TATDN1: variants seen among roughly 807,000 people sequenced by gnomAD.
TATDN1 encodes the protein deoxyribonuclease TATDN1.
TATDN1 carries 40 observed loss-of-function variants against 46.4 expected under a neutral mutation model. That is an observed-to-expected ratio of 0.86 (90% CI 0.67 to 1.12). The LOEUF (loss-of-function observed/expected upper bound fraction) is 1.12, where lower values mean the gene tolerates loss of function less well. Among genes scored for constraint, TATDN1 ranks in the 50% most tolerant of loss-of-function variants. The probability of loss-of-function intolerance (pLI) is 0.00; values close to 1 mark genes in which losing one functional copy is unlikely to be tolerated. For synonymous variants in TATDN1, 95 were observed against 105.6 expected (o/e 0.90, Z 0.62); for missense variants, 326 against 348.4 (o/e 0.94, Z 0.51).
At chr8:124,511,018 A>G (rs1016691110) in intron 6 of TATDN1, among the ~76,000 whole-genome samples, 1 of 152,226 alleles carries the variant, frequency 6.6e-6, no homozygotes, top group Non-Finnish European at 1.5e-5. Flanking sequence ...TTATCTTTAG[A>G]GAAGAAAAAC....
chr8:124,506,989 C>T (rs1818499677), intron 8 of TATDN1, among the ~76,000 whole-genome samples: 1 of 151,884 alleles, frequency 6.6e-6, no homozygotes, highest in South Asian at 2.1e-4. Context: ...TGGTGAAACC[C>T]CGTCTCTACT....
chr8:124,523,054 G>T (rs1296668995), intron 1 of TATDN1, 52 bp from the exon 2 acceptor site: 2 of 1,501,192 alleles, frequency 1.3e-6, no homozygotes, highest in Admixed American at 3.7e-5. Flanking sequence ...CATGAAACTT[G>T]TACTTAAATA....
At chr8:124,520,089 T>G (rs1192713864) in intron 3 of TATDN1, among the ~76,000 whole-genome samples, 1 of 152,214 alleles carries the variant, frequency 6.6e-6, no homozygotes, top group Non-Finnish European at 1.5e-5. Context: ...GATTAGCTAT[T>G]GCATATCCAT....
intron 11 of TATDN1, chr8:124,491,193 C>G (rs1457578499): frequency 6.6e-6 from 1 of 152,154 alleles, no homozygotes; most frequent in Non-Finnish European, 1.5e-5. Context: ...ATAATTGCCA[C>G]TCTCCTGCTT....
chr8:124,508,308 T>C (rs1818689004), intron 8 of TATDN1, among the ~76,000 whole-genome samples, 166 bp downstream of exon 8: 1 of 152,214 alleles, frequency 6.6e-6, no homozygotes. Flanking sequence ...ATTTTGTGCG[T>C]GAAACAAAAT....
intron 1 of TATDN1, among the ~76,000 whole-genome samples, chr8:124,531,762 C>T (rs1295009092): frequency 2.6e-5 from 4 of 152,252 alleles, no homozygotes; most frequent in African/African-American, 9.6e-5. Context: ...CTGGGTTATA[C>T]TGAGGGTAGA....
At chr8:124,514,278 C>G (rs773422345) in intron 6 of TATDN1, among the ~76,000 whole-genome samples, 4 of 152,084 alleles carry the variant, frequency 2.6e-5, no homozygotes, top group Non-Finnish European at 4.4e-5. Flanking sequence ...GGGAGGGAAG[C>G]GGGAGGAAGT....
intron 9 of TATDN1, 163 bp downstream of exon 9, chr8:124,504,108 C>T: frequency 2.9e-6 from 2 of 697,730 alleles, no homozygotes; most frequent in Middle Eastern, 2.8e-4. Context: ...TAGTAATGTA[C>T]TGTTTAATTT....
intron 1 of TATDN1, among the ~76,000 whole-genome samples, chr8:124,534,346 T>G (rs1563695208): frequency 1.3e-5 from 2 of 152,130 alleles, no homozygotes; most frequent in African/African-American, 4.8e-5. Context: ...TCAGTGACCG[T>G]AAGTTTTACT....
intron 8 of TATDN1, among the ~76,000 whole-genome samples, chr8:124,507,923 C>T (rs541017671): frequency 1.3e-5 from 2 of 152,098 alleles, no homozygotes; most frequent in African/African-American, 4.8e-5. Context: ...TTATGCCACA[C>T]CTGGTCCATA....
intron 11 of TATDN1, among the ~76,000 whole-genome samples, chr8:124,492,870 T>C (rs909096366): frequency 4.6e-5 from 7 of 152,138 alleles, no homozygotes; most frequent in African/African-American, 1.7e-4. Flanking sequence ...GGTCTCCCTA[T>C]GTTGCCTGAG....
At chr8:124,511,188 G>T (rs1022177802) in intron 6 of TATDN1, among the ~76,000 whole-genome samples, 1 of 152,144 alleles carries the variant, frequency 6.6e-6, no homozygotes, top group Non-Finnish European at 1.5e-5. Flanking sequence ...TGAAGCTTCT[G>T]ATTTTATTAC....
Position 124,498,805 on chromosome 8 carries a change from C to T in TATDN1, c.594-3263G>A, listed in dbSNP as rs181337109. Among the ~76,000 whole-genome samples the T allele has an allele frequency of 6.8e-3, 1,039 of 152,132 alleles. 1 individual carries two copies. Among genetic ancestry groups the T allele is most frequent in the Non-Finnish European group, 0.011 (752 of 67,990 alleles). On this transcript the variant is annotated intron_variant, in intron 9 of 11. Transcript: ENST00000276692. ...AGCTGAGATTACAGGCGCACACCAC[C>T]ACACCCAGCTAATTTTTTTTATTTT... is the stretch of plus-strand genomic sequence containing the variant.
intron 9 of TATDN1, among the ~76,000 whole-genome samples, chr8:124,495,963 T>C (rs1817434786): frequency 6.6e-6 from 1 of 152,250 alleles, no homozygotes; most frequent in Non-Finnish European, 1.5e-5. Context: ...ACCCTTGCCA[T>C]GGTTTCTTTG....
intron 9 of TATDN1, among the ~76,000 whole-genome samples, chr8:124,500,567 C>T (rs928980103): frequency 6.6e-6 from 1 of 151,792 alleles, no homozygotes. Flanking sequence ...ATTAGCCAAG[C>T]ATGGTGATAG....
intron 3 of TATDN1, among the ~76,000 whole-genome samples, chr8:124,520,849 A>G (rs1819973783): frequency 6.6e-6 from 1 of 150,532 alleles, no homozygotes; most frequent in Non-Finnish European, 1.5e-5. Flanking sequence ...AGGCTGAGGC[A>G]GGAGAATGGC....
intron 6 of TATDN1, among the ~76,000 whole-genome samples, chr8:124,513,582 C>T (rs1819213856): frequency 6.6e-6 from 1 of 152,208 alleles, no homozygotes; most frequent in African/African-American, 2.4e-5. Flanking sequence ...TATGCATATT[C>T]TAAGATCAGA....
chr8:124,506,524 A>C (rs1818448005), intron 8 of TATDN1, among the ~76,000 whole-genome samples: 1 of 152,168 alleles, frequency 6.6e-6, no homozygotes, highest in Non-Finnish European at 1.5e-5. Flanking sequence ...AAAAACAGGA[A>C]AAAATTACAG....
intron 3 of TATDN1, among the ~76,000 whole-genome samples, chr8:124,520,553 T>C (rs966110362): frequency 2.0e-5 from 3 of 151,964 alleles, no homozygotes; most frequent in African/African-American, 4.8e-5. Context: ...CGTAAAATAC[T>C]AACCAAGTAT....
Sources: gnomAD v4.1 joint callset for allele counts (sites outside exome capture counted in the v4.1 genomes callset) on GRCh38, gnomAD v4.1.1 for gene constraint, MANE v1.5 for transcripts, NCBI Gene and HGNC (gene_info 2026-07-23, HGNC 2026-07-21) for gene names.